Variants in FANCC observed in about 807,000 individuals in gnomAD.
FANCC encodes the protein FA complementation group C.
In FANCC, 55 loss-of-function variants were observed where a neutral mutation model predicts 71.3. The ratio of observed to expected loss-of-function variants is 0.77; its 90% CI spans 0.62 to 0.97. The LOEUF (loss-of-function observed/expected upper bound fraction) is 0.97, where lower values mean the gene tolerates loss of function less well. Among genes scored for constraint, FANCC ranks in the 50% least tolerant of loss-of-function variants. FANCC has a pLI of 0.00. For missense variants in FANCC, 678 were observed against 670.9 expected, an observed-to-expected ratio of 1.01 and a Z score of -0.12; for synonymous variants, 275 against 244.9, an observed-to-expected ratio of 1.12 and a Z score of -1.15.
chr9:95,246,761 G>C (rs1831006792), intron 3 of FANCC, among the ~76,000 whole-genome samples: 1 of 152,298 alleles, frequency 6.6e-6, no homozygotes, highest in African/African-American at 2.4e-5. Flanking sequence ...AAGGAATCCT[G>C]ACACAAAGTG....
chr9:95,283,572 C>T (rs1588414108), intron 1 of FANCC, among the ~76,000 whole-genome samples: 1 of 152,134 alleles, frequency 6.6e-6, no homozygotes, highest in Non-Finnish European at 1.5e-5. Context: ...TCTCAAAGAC[C>T]ACTTTTTTAA....
intron 6 of FANCC, among the ~76,000 whole-genome samples, chr9:95,156,107 T>G (rs1297307917): frequency 6.6e-6 from 1 of 152,130 alleles, no homozygotes. Flanking sequence ...TAGTTTATAA[T>G]TGGTTTTTGG....
chr9:95,124,162 T>C (rs1407245725), intron 10 of FANCC, among the ~76,000 whole-genome samples: 2 of 151,278 alleles, frequency 1.3e-5, no homozygotes, highest in East Asian at 3.9e-4. Flanking sequence ...GAGAGATCTA[T>C]TTGACGTTGG....
intron 1 of FANCC, among the ~76,000 whole-genome samples, chr9:95,263,345 A>C (rs1368181543): frequency 6.6e-6 from 1 of 152,014 alleles, no homozygotes; most frequent in African/African-American, 2.4e-5. Flanking sequence ...TCTTAGGGAG[A>C]CTGGGATATC....
chr9:95,253,301 A>C (rs983024165), intron 1 of FANCC, among the ~76,000 whole-genome samples: 8 of 152,118 alleles, frequency 5.3e-5, no homozygotes, highest in African/African-American at 1.9e-4. Flanking sequence ...CACATGTGGG[A>C]TGATCACACC....
At chr9:95,292,620 CCCAA>C (rs1411287718) in intron 1 of FANCC, 13 of 1,432,920 alleles carry the variant, frequency 9.1e-6, no homozygotes, top group African/African-American at 1.4e-5. Context: ...CAAGATCCTG[CCCAA>C]CAGCCCCGCG....
intron 4 of FANCC, among the ~76,000 whole-genome samples, chr9:95,209,689 G>A (rs1346709921): frequency 6.6e-6 from 1 of 152,004 alleles, no homozygotes; most frequent in East Asian, 1.9e-4. Flanking sequence ...TTCTCATCCG[G>A]CCCCCTTTAT....
chr9:95,127,686 T>C (rs1252713740), intron 8 of FANCC, among the ~76,000 whole-genome samples: 2 of 152,328 alleles, frequency 1.3e-5, no homozygotes, highest in Non-Finnish European at 2.9e-5. Context: ...TGACTAGCTT[T>C]GGGAAACACT....
intron 1 of FANCC, among the ~76,000 whole-genome samples, chr9:95,312,647 T>G (rs776116438): frequency 6.6e-6 from 1 of 152,246 alleles, no homozygotes; most frequent in Non-Finnish European, 1.5e-5. Context: ...TAAGTCACCA[T>G]GCCCAGTCAA....
chr9:95,262,248 A>T (rs977516494), intron 1 of FANCC, among the ~76,000 whole-genome samples: 4 of 152,176 alleles, frequency 2.6e-5, no homozygotes, highest in African/African-American at 9.7e-5. Flanking sequence ...ATATTCAAAA[A>T]CTTCATGGAA....
intron 1 of FANCC, among the ~76,000 whole-genome samples, chr9:95,282,352 CA>C (rs1002601007): frequency 2.2e-4 from 34 of 152,072 alleles, no homozygotes; most frequent in Admixed American, 1.8e-3. Flanking sequence ...GTCAATTCAG[CA>C]AAAGGATATG....
intron 4 of FANCC, among the ~76,000 whole-genome samples, chr9:95,219,468 T>C (rs1219774181): frequency 6.6e-6 from 1 of 151,780 alleles, no homozygotes; most frequent in Non-Finnish European, 1.5e-5. Flanking sequence ...GAATTGGCTG[T>C]TTTTTTTCAA....
At chr9:95,105,512 TAAATTGTGGTA>T (rs903166493) in intron 14 of FANCC, among the ~76,000 whole-genome samples, 1 of 152,258 alleles carries the variant, frequency 6.6e-6, no homozygotes, top group African/African-American at 2.4e-5. Flanking sequence ...AGTATTTTTT[TAAATTGTGGTA>T]AAATATACAT....
intron 1 of FANCC, among the ~76,000 whole-genome samples, chr9:95,270,557 T>A (rs1022499895): frequency 1.3e-5 from 2 of 152,246 alleles, no homozygotes; most frequent in African/African-American, 4.8e-5. Flanking sequence ...AATGTGCAGT[T>A]CATACTCTAC....
chr9:95,126,252 G>A (rs1825959458), intron 9 of FANCC, among the ~76,000 whole-genome samples: 2 of 152,128 alleles, frequency 1.3e-5, no homozygotes, highest in South Asian at 4.1e-4. Flanking sequence ...AATATTTCAT[G>A]ATATTAATGC....
chr9:95,202,000 T>C (rs372949773), intron 4 of FANCC, among the ~76,000 whole-genome samples: 7 of 152,344 alleles, frequency 4.6e-5, no homozygotes, highest in African/African-American at 1.7e-4. Context: ...TTTAATGTAA[T>C]ATATAAGGCA....
chr9:95,151,787 G>C (rs1327085792), intron 6 of FANCC, among the ~76,000 whole-genome samples: 5 of 152,058 alleles, frequency 3.3e-5, no homozygotes, highest in South Asian at 2.1e-4. Flanking sequence ...AATTAGCCAG[G>C]TGTGGTGGCT....
rs1830155954 is a variant in FANCC, at chr9:95,234,023, C to CTGAT, written c.345+6622_345+6625dup. The stretch of plus-strand genomic sequence containing the variant: ...CCATGTGACCAGTAAGGAAGGTCTG[C>CTGAT]TGATTATGCTATCTAACTAAAGGAA... On this transcript the variant is annotated intron_variant, in intron 4 of 14. Coordinates refer to ENST00000289081, the MANE Select transcript of FANCC (RefSeq NM_000136.3). 2.6e-5 allele frequency among the ~76,000 whole-genome samples: 4 copies of CTGAT among 152,250 alleles called. No individual in the cohort carries two copies. In the South Asian group the frequency reaches 8.3e-4, roughly 32 times the overall value.
At chr9:95,130,184 C>A (rs1826671725) in intron 8 of FANCC, among the ~76,000 whole-genome samples, 1 of 152,032 alleles carries the variant, frequency 6.6e-6, no homozygotes, top group Non-Finnish European at 1.5e-5. Context: ...ACCAACTCAC[C>A]AATGATTATT....
Sources: allele counts gnomAD v4.1 joint callset (sites outside exome capture counted in the v4.1 genomes callset), GRCh38; gene constraint gnomAD v4.1.1; transcripts MANE v1.5; gene names NCBI Gene and HGNC (gene_info 2026-07-23, HGNC 2026-07-21).